The following IL23R variants were observed in gnomAD, a reference collection of about 807,000 sequenced individuals.
The protein encoded by IL23R is interleukin-23 receptor.
Under a neutral mutation model 56.9 loss-of-function variants are expected in IL23R, and 34 were observed. That is an observed-to-expected ratio of 0.60 (90% CI 0.45 to 0.80). The LOEUF (loss-of-function observed/expected upper bound fraction) is 0.80. Ranked by LOEUF, IL23R falls within the 30% of genes least tolerant of loss-of-function variation. IL23R has a pLI of 0.00. For missense variants in IL23R, 635 were observed against 730.0 expected, an observed-to-expected ratio of 0.87 and a Z score of 1.50; for synonymous variants, 230 against 249.2, an observed-to-expected ratio of 0.92 and a Z score of 0.73.
intron 9 of IL23R, among the ~76,000 whole-genome samples, chr1:67,246,126 A>C (rs1231011388): frequency 6.6e-6 from 1 of 152,218 alleles, no homozygotes; most frequent in African/African-American, 2.4e-5. Context: ...CTCTGATGAT[A>C]GTTTATATTT....
intron 2 of IL23R, 141 bp from the exon 3 acceptor site, chr1:67,169,201 G>C (rs543005586): frequency 4.0e-6 from 2 of 505,764 alleles, no homozygotes; most frequent in East Asian, 7.7e-5. Context: ...TTTATGAAAA[G>C]ATACATCTAG....
intron 8 of IL23R, among the ~76,000 whole-genome samples, chr1:67,238,475 C>A (rs550164590): frequency 3.3e-4 from 51 of 152,312 alleles, no homozygotes; most frequent in African/African-American, 8.2e-4. Flanking sequence ...GATGCCTACA[C>A]AGACCTACCT....
intron 5 of IL23R, among the ~76,000 whole-genome samples, chr1:67,204,769 A>ATTTT (rs5774856): frequency 2.1e-5 from 3 of 143,764 alleles, no homozygotes; most frequent in Admixed American, 7.0e-5. Flanking sequence ...CTCAATACTG[A>ATTTT]TTTTTTTTTT....
At chr1:67,253,039 A>T (rs927708181) in intron 9 of IL23R, among the ~76,000 whole-genome samples, 39 of 152,286 alleles carry the variant, frequency 2.6e-4, no homozygotes, top group African/African-American at 9.4e-4. Flanking sequence ...GTTACAGTTC[A>T]TCCACAGGGA....
chr1:67,163,468 CAAAAAAAAAAAAAAAAAAA>C (rs57495148), upstream of IL23R, among the ~76,000 whole-genome samples: 1 of 49,586 alleles, frequency 2.0e-5, no homozygotes, highest in Non-Finnish European at 3.2e-5. Flanking sequence ...GACCCTGTCT[CAAAAAAAAAAAAAAAAAAA>C]AAAAAAAAAA....
rs74080198 is a variant in IL23R, at chr1:67,217,385, T to C, written c.799-2189T>C. Among the ~76,000 whole-genome samples the C allele has an allele frequency of 4.4e-3, 670 of 152,322 alleles. 1 individual carries two copies. The highest frequency in any genetic ancestry group is 0.016 in the African/African-American group (650 of 41,580). On this transcript the variant is annotated intron_variant, in intron 6 of 10. Coordinates refer to ENST00000347310, the MANE Select transcript of IL23R (RefSeq NM_144701.3). Reference sequence around the variant, plus strand: ...AGCAGCCACCTGGTTTGCCTCATGGTTTAAACAACTGATAACAGTTCCATA... The same window carrying C: ...AGCAGCCACCTGGTTTGCCTCATGGCTTAAACAACTGATAACAGTTCCATA...
At chr1:67,175,565 T>G (rs546434943) in intron 3 of IL23R, among the ~76,000 whole-genome samples, 1 of 152,202 alleles carries the variant, frequency 6.6e-6, no homozygotes, top group Non-Finnish European at 1.5e-5. Context: ...CCAGATACCT[T>G]GTGTAAGGGG....
intron 7 of IL23R, 31 bp from the exon 8 acceptor site, chr1:67,236,682 A>C (rs772065791): frequency 6.8e-7 from 1 of 1,468,950 alleles, no homozygotes; most frequent in Admixed American, 1.7e-5. Flanking sequence ...GCAAAATGTA[A>C]GAAACTGACA....
chr1:67,142,555 T>C (rs909407631), intron 1 of IL23R, among the ~76,000 whole-genome samples: 2 of 152,138 alleles, frequency 1.3e-5, no homozygotes, highest in African/African-American at 4.8e-5. Flanking sequence ...AGAAATATAT[T>C]TTTAAATTTA....
intron 4 of IL23R, among the ~76,000 whole-genome samples, chr1:67,184,925 GC>G (rs1448332719): frequency 6.6e-6 from 1 of 152,086 alleles, no homozygotes; most frequent in East Asian, 1.9e-4. Context: ...TGGAATTATT[GC>G]CCTTCCATAA....
At chr1:67,159,410 A>T (rs901603362) in intron 1 of IL23R, among the ~76,000 whole-genome samples, 1 of 152,050 alleles carries the variant, frequency 6.6e-6, no homozygotes, top group African/African-American at 2.4e-5. Context: ...AAGTTTTCTG[A>T]GGCCTCCTAG....
intron 3 of IL23R, among the ~76,000 whole-genome samples, chr1:67,176,672 A>G (rs1293707967): frequency 2.0e-5 from 3 of 152,158 alleles, no homozygotes; most frequent in Non-Finnish European, 4.4e-5. Flanking sequence ...TTTAGGGTAC[A>G]TGTGCACAAC....
chr1:67,197,004 C>T (rs182361955), intron 4 of IL23R, among the ~76,000 whole-genome samples: 351 of 152,248 alleles, frequency 2.3e-3, no homozygotes, highest in African/African-American at 8.0e-3. Context: ...CACAGGTATG[C>T]GTGAGACACA....
the IL23R span, among the ~76,000 whole-genome samples, chr1:67,265,710 A>C: frequency 6.6e-6 from 1 of 152,152 alleles, no homozygotes; most frequent in Non-Finnish European, 1.5e-5. Flanking sequence ...TAAATGTGGA[A>C]TTGCTGGGCC....
At chr1:67,148,551 G>A (rs1646702319) in intron 1 of IL23R, among the ~76,000 whole-genome samples, 1 of 152,200 alleles carries the variant, frequency 6.6e-6, no homozygotes, top group Non-Finnish European at 1.5e-5. Context: ...GTGTTTGAAG[G>A]TGGGTGTGGT....
At chr1:67,194,677 T>C (rs1278236376) in intron 4 of IL23R, among the ~76,000 whole-genome samples, 1 of 152,230 alleles carries the variant, frequency 6.6e-6, no homozygotes, top group East Asian at 1.9e-4. Flanking sequence ...GGTCTCAGTA[T>C]GTGTGGTAAA....
chr1:67,227,779 C>T (rs754863683), intron 7 of IL23R, among the ~76,000 whole-genome samples: 2 of 152,142 alleles, frequency 1.3e-5, no homozygotes, highest in African/African-American at 4.8e-5. Context: ...TAAACAGACA[C>T]GGTGTTTCTT....
intron 6 of IL23R, among the ~76,000 whole-genome samples, chr1:67,215,022 C>T (rs1414668013): frequency 6.6e-6 from 1 of 152,202 alleles, no homozygotes; most frequent in African/African-American, 2.4e-5. Context: ...CAGCCTCTGT[C>T]ACGTACCGCC....
chr1:67,241,871 G>A (rs770091264), intron 9 of IL23R, among the ~76,000 whole-genome samples: 1 of 152,150 alleles, frequency 6.6e-6, no homozygotes, highest in Non-Finnish European at 1.5e-5. Context: ...TACATGAAGA[G>A]TCTACTCACT....
Sources: gnomAD v4.1 joint callset for allele counts (sites outside exome capture counted in the v4.1 genomes callset) on GRCh38, gnomAD v4.1.1 for gene constraint, MANE v1.5 for transcripts, NCBI Gene and HGNC (gene_info 2026-07-23, HGNC 2026-07-21) for gene names.